CCDC148: variants seen among roughly 807,000 people sequenced by gnomAD.
CCDC148 encodes the protein coiled-coil domain containing 148, also known as coiled-coil domain-containing protein 148.
CCDC148 carries 89 observed loss-of-function variants against 85.7 expected under a neutral mutation model. The observed-to-expected ratio is 1.04, with a 90% confidence interval of 0.87 to 1.24. The LOEUF (loss-of-function observed/expected upper bound fraction) is 1.24, where lower values mean the gene tolerates loss of function less well. Among genes scored for constraint, CCDC148 ranks in the 50% most tolerant of loss-of-function variants. The pLI, the probability that CCDC148 is intolerant of heterozygous loss-of-function variation, is 0.00. For missense variants in CCDC148, 692 were observed against 671.7 expected, an observed-to-expected ratio of 1.03 and a Z score of -0.33; for synonymous variants, 230 against 213.9, an observed-to-expected ratio of 1.08 and a Z score of -0.66.
chr2:158,279,649 A>G (rs1690162600), intron 9 of CCDC148, among the ~76,000 whole-genome samples: 1 of 152,220 alleles, frequency 6.6e-6, no homozygotes, highest in Admixed American at 6.5e-5. Flanking sequence ...TCTACATCTG[A>G]TTGGTGTACC....
chr2:158,422,306 T>C (rs188832450), intron 1 of CCDC148, among the ~76,000 whole-genome samples: 1 of 152,206 alleles, frequency 6.6e-6, no homozygotes, highest in Admixed American at 6.5e-5. Flanking sequence ...TTTAGACCAA[T>C]AAACCTTTCC....
intron 9 of CCDC148, chr2:158,288,534 T>A (rs186931011): frequency 6.5e-6 from 1 of 154,026 alleles, no homozygotes; most frequent in Admixed American, 6.5e-5. Context: ...AAAAGAGTCA[T>A]CTTTGCTCCA....
At chr2:158,279,453 C>A (rs1213876885) in intron 9 of CCDC148, among the ~76,000 whole-genome samples, 1 of 152,078 alleles carries the variant, frequency 6.6e-6, no homozygotes, top group Non-Finnish European at 1.5e-5. Context: ...AGCTGAAAGC[C>A]AAGGCATGAG....
At chr2:158,427,341 A>C (rs1462909266) in intron 1 of CCDC148, among the ~76,000 whole-genome samples, 2 of 152,206 alleles carry the variant, frequency 1.3e-5, no homozygotes, top group African/African-American at 2.4e-5. Context: ...TGTAGGGCCT[A>C]GTGCTGAGGA....
chr2:158,437,715 A>T (rs570621753), intron 1 of CCDC148, among the ~76,000 whole-genome samples: 2 of 152,214 alleles, frequency 1.3e-5, no homozygotes, highest in Middle Eastern at 3.2e-3. Flanking sequence ...ACATAATTGT[A>T]TATCTAGAAA....
chr2:158,442,912 A>G (rs540537306), intron 1 of CCDC148, among the ~76,000 whole-genome samples: 44 of 152,342 alleles, frequency 2.9e-4, no homozygotes, highest in African/African-American at 1.1e-3. Flanking sequence ...GAGAGACCAG[A>G]TGCAAACCCA....
At chr2:158,307,836 C>T (rs11895535) in intron 9 of CCDC148, among the ~76,000 whole-genome samples, 47,266 of 151,894 alleles carry the variant, frequency 0.31, 8,141 homozygotes, top group Middle Eastern at 0.45. Context: ...CAAAACTAAT[C>T]GATGGTCATG....
intron 9 of CCDC148, among the ~76,000 whole-genome samples, chr2:158,282,284 C>T (rs1162066167): frequency 1.3e-5 from 2 of 152,074 alleles, no homozygotes; most frequent in Non-Finnish European, 2.9e-5. Context: ...CCAGGGCAAT[C>T]AGGCAGAAGA....
intron 1 of CCDC148, among the ~76,000 whole-genome samples, chr2:158,436,470 A>T (rs534711368): frequency 3.3e-5 from 5 of 152,208 alleles, no homozygotes; most frequent in East Asian, 3.9e-4. Flanking sequence ...GGGACACATT[A>T]AAAGCAGTGT....
intron 1 of CCDC148, among the ~76,000 whole-genome samples, chr2:158,399,620 A>C (rs1459570133): frequency 2.6e-5 from 4 of 152,154 alleles, no homozygotes; most frequent in Non-Finnish European, 5.9e-5. Context: ...TATTGATGGA[A>C]TGTATCTCAA....
chr2:158,230,761 C>T (rs1018733683), intron 10 of CCDC148, among the ~76,000 whole-genome samples: 4 of 152,190 alleles, frequency 2.6e-5, no homozygotes, highest in Admixed American at 6.6e-5. Flanking sequence ...AGGCAGCGCT[C>T]GTCCCTGGAC....
intron 1 of CCDC148, among the ~76,000 whole-genome samples, chr2:158,441,192 T>C (rs116566039): frequency 5.6e-4 from 85 of 152,338 alleles, no homozygotes; most frequent in Middle Eastern, 6.8e-3. Flanking sequence ...ATTATAATAC[T>C]GGGGTGAGTG....
intron 1 of CCDC148, among the ~76,000 whole-genome samples, chr2:158,406,613 C>CTTTTTTTTT (rs61612452): frequency 3.2e-5 from 1 of 31,454 alleles, no homozygotes; most frequent in Non-Finnish European, 6.5e-5. Context: ...GATTAAATTT[C>CTTTTTTTTT]TTTTTTTTTT....
chr2:158,306,447 G>A (rs1005263995), intron 9 of CCDC148, among the ~76,000 whole-genome samples: 1 of 152,088 alleles, frequency 6.6e-6, no homozygotes, highest in African/African-American at 2.4e-5. Flanking sequence ...ATCAATGATA[G>A]ACTGGATTAA....
intron 1 of CCDC148, among the ~76,000 whole-genome samples, chr2:158,404,560 G>T (rs1685921879): frequency 6.6e-6 from 1 of 152,058 alleles, no homozygotes; most frequent in African/African-American, 2.4e-5. Context: ...CTTTTTACAA[G>T]ACTTTAAAAT....
At chr2:158,229,386 G>A (rs954831522) in intron 10 of CCDC148, among the ~76,000 whole-genome samples, 2 of 152,112 alleles carry the variant, frequency 1.3e-5, no homozygotes, top group African/African-American at 4.8e-5. Flanking sequence ...CAGCTAAAGT[G>A]TCTAAAACAT....
intron 9 of CCDC148, among the ~76,000 whole-genome samples, chr2:158,272,379 T>C (rs1574516571): frequency 6.6e-6 from 1 of 152,168 alleles, no homozygotes; most frequent in Non-Finnish European, 1.5e-5. Flanking sequence ...CTCTGGTTTA[T>C]GGAAGGTGAA....
chr2:158,449,905 T>C (rs561625844), intron 1 of CCDC148, among the ~76,000 whole-genome samples: 12 of 152,376 alleles, frequency 7.9e-5, no homozygotes. Flanking sequence ...CAAAGTTCCC[T>C]TCTATTCTTA....
intron 1 of CCDC148, among the ~76,000 whole-genome samples, chr2:158,454,459 C>T (rs148337015): frequency 6.6e-6 from 1 of 152,344 alleles, no homozygotes; most frequent in African/African-American, 2.4e-5. Context: ...TCACCCTTCT[C>T]AGCCATGACT....
Sources: allele counts gnomAD v4.1 joint callset (sites outside exome capture counted in the v4.1 genomes callset), GRCh38; gene constraint gnomAD v4.1.1; transcripts MANE v1.5; gene names NCBI Gene and HGNC (gene_info 2026-07-23, HGNC 2026-07-21).